The following USP42 variants were observed in gnomAD, a reference collection of about 807,000 sequenced individuals.
USP42 encodes ubiquitin carboxyl-terminal hydrolase 42.
A neutral mutation model predicts 113.0 loss-of-function variants in USP42; 23 were observed. The observed-to-expected ratio is 0.20, with a 90% CI of 0.15 to 0.29. USP42 has a LOEUF of 0.29. USP42 is among the 10% of genes least tolerant of loss of function. The probability of loss-of-function intolerance (pLI) is 1.00; values close to 1 mark genes in which losing one functional copy is unlikely to be tolerated. For synonymous variants in USP42, 933 were observed against 699.0 expected (o/e 1.33, Z -5.28); for missense variants, 2,174 against 1,779.8 (o/e 1.22, Z -3.99).
In USP42 at chr7:6,139,351, A is replaced by G. The variant is rs1781324750; in HGVS notation, c.656+157A>G. On this transcript the variant is annotated intron_variant, in intron 5 of 17. Coordinates refer to ENST00000306177, the MANE Select transcript of USP42 (RefSeq NM_032172.3). The surrounding 1 kb of genome is among the most constrained non-coding windows in gnomAD (Gnocchi z 4.5). Reference sequence around the variant, plus strand: ...TCTGCCTCTTCCTTAGGTGATGTGCATTATTTTAAAATGGTTGAAATTTAC... The same window carrying G: ...TCTGCCTCTTCCTTAGGTGATGTGCGTTATTTTAAAATGGTTGAAATTTAC... The G allele has an allele frequency of 7.5e-6, 4 of 533,738 alleles. No homozygotes were observed. In the East Asian group the frequency reaches 1.3e-4, roughly 17 times the overall value. The allele number at this position is 533,738 out of a possible 1,614,324, so 33.1% of individuals were successfully genotyped here.
chr7:6,106,352 A>G (rs930582125), intron 1 of USP42, among the ~76,000 whole-genome samples: 1 of 152,216 alleles, frequency 6.6e-6, no homozygotes, highest in Non-Finnish European at 1.5e-5. Flanking sequence ...TAAACGTGCT[A>G]ATATTATTAC....
chr7:6,143,962 A>G (rs1254975541), intron 8 of USP42, 123 bp from the exon 9 acceptor site: 6 of 550,888 alleles, frequency 1.1e-5, no homozygotes, highest in African/African-American at 2.0e-5. Flanking sequence ...GGTGGTTCTC[A>G]TCCAGTGTCC....
At chr7:6,131,778 C>T (rs893790784) in intron 3 of USP42, among the ~76,000 whole-genome samples, 2 of 152,146 alleles carry the variant, frequency 1.3e-5, no homozygotes, top group Non-Finnish European at 2.9e-5. Context: ...CTCTTTCTAC[C>T]TTTCACAGCC....
chr7:6,101,245 G>A (rs1055189181), upstream of USP42, among the ~76,000 whole-genome samples: 3 of 151,024 alleles, frequency 2.0e-5, no homozygotes, highest in African/African-American at 7.4e-5. Flanking sequence ...CCAGTAAGGA[G>A]GACCTGGGTG....
intron 4 of USP42, among the ~76,000 whole-genome samples, chr7:6,136,826 G>T (rs1781177475): frequency 6.9e-6 from 1 of 144,072 alleles, no homozygotes; most frequent in Non-Finnish European, 1.5e-5. Context: ...TTTTTTTCAA[G>T]TGAGACTGTG....
chr7:6,130,010 G>A (rs1027636893), intron 3 of USP42, among the ~76,000 whole-genome samples: 1 of 152,090 alleles, frequency 6.6e-6, no homozygotes, highest in Non-Finnish European at 1.5e-5. Context: ...TTTTGAGTCA[G>A]GGTCTTACTT....
At chr7:6,134,939 A>C (rs1333278162) in intron 3 of USP42, among the ~76,000 whole-genome samples, 1 of 152,018 alleles carries the variant, frequency 6.6e-6, no homozygotes, top group Admixed American at 6.6e-5. Context: ...GGCTTGTGCC[A>C]CCACACTGGG....
chr7:6,152,806 C>T (rs1244900529), intron 14 of USP42, among the ~76,000 whole-genome samples: 1 of 152,246 alleles, frequency 6.6e-6, no homozygotes, highest in African/African-American at 2.4e-5. Context: ...TTGCTAAAGC[C>T]TCTGATTCCT....
rs374262203 is a variant in USP42, at chr7:6,149,765, A to C, written c.1569A>C (p.Thr523=). The C allele has an allele frequency of 6.2e-7, 1 of 1,613,990 alleles. No homozygotes were observed. The highest frequency in any genetic ancestry group is 8.5e-7 in the Non-Finnish European group (1 of 1,179,894). Residue 523 remains threonine (T), a synonymous_variant, in exon 13 of 18, where the codon ACA becomes ACC. Transcript: ENST00000306177. ...AACATCCTAAGAAACAAAAAATTACAATCAGTATTCACAACAAGTTGCCTG... is the reference window on the plus strand; with the variant it reads ...AACATCCTAAGAAACAAAAAATTACCATCAGTATTCACAACAAGTTGCCTG... ...IPEHPKKQKI[T]ISIHNKLPVR...
At chr7:6,084,473 G>C in the USP42 span, 1 of 151,476 alleles carries the variant, frequency 6.6e-6, no homozygotes, top group East Asian at 1.9e-4. Context: ...ATCACTCTGA[G>C]CCTGAGGGAG....
At chr7:6,141,472 A>G (rs922004067) in intron 7 of USP42, among the ~76,000 whole-genome samples, 2 of 152,018 alleles carry the variant, frequency 1.3e-5, no homozygotes, top group African/African-American at 4.8e-5. Context: ...CTGGGATTAC[A>G]GGCGTGAGCC....
chr7:6,125,416 G>A (rs1780480524), intron 3 of USP42, among the ~76,000 whole-genome samples: 1 of 151,998 alleles, frequency 6.6e-6, no homozygotes, highest in African/African-American at 2.4e-5. Context: ...CTTGAACCTT[G>A]GAAGCGGGGG....
chr7:6,088,785 C>A, the USP42 span: 1 of 151,132 alleles, frequency 6.6e-6, no homozygotes, highest in African/African-American at 2.5e-5. Flanking sequence ...CCTGTTCTTC[C>A]TCAGACCTCC....
intron 3 of USP42, among the ~76,000 whole-genome samples, chr7:6,135,148 A>G (rs1323969106): frequency 6.6e-6 from 1 of 152,134 alleles, no homozygotes; most frequent in African/African-American, 2.4e-5. Context: ...TGAGATAAAT[A>G]GTGGTGTGAG....
Position 6,142,221 on chromosome 7 carries a change from C to CTT in USP42, c.796-699_796-698dup, listed in dbSNP as rs200372288. ...TAAATGAAAATTTTGTTTCTTTTTT[C>CTT]TTTTTTTTTTTTTGAGACGGAGTCC... is the stretch of plus-strand genomic sequence containing the variant. On this transcript the variant is annotated intron_variant, in intron 7 of 17. Transcript: ENST00000306177. Among the ~76,000 whole-genome samples the CTT allele has an allele frequency of 7.8e-4, 110 of 141,610 alleles. 2 individuals carry two copies. Among genetic ancestry groups the CTT allele is most frequent in the South Asian group, 2.5e-3 (11 of 4,486 alleles). 92.9% of individuals were successfully genotyped at this position (141,610 alleles called of 152,430 possible). A position where few individuals can be genotyped will look rare whatever the true frequency, so the allele number is the denominator to read the frequency against.
rs745487904 is a variant in USP42 at position 6,142,999 on chromosome 7, C to T, written c.863C>T (p.Ser288Leu). ...VKPEQLDGEN[S>L]YKCSKCKKMV... Reference sequence around the variant, plus strand: ...CCGGAACAGCTTGATGGAGAAAACTCGTACAAGTGCAGCAAGTACGTTGGG... The same window carrying T: ...CCGGAACAGCTTGATGGAGAAAACTTGTACAAGTGCAGCAAGTACGTTGGG... Residue 288 changes from serine (S) to leucine (L), a missense_variant, in exon 8 of 18, where the codon TCG becomes TTG. Transcript: ENST00000306177. The T allele has an allele frequency of 7.4e-6, 12 of 1,613,812 alleles. No individual in the cohort carries two copies. Among genetic ancestry groups the T allele is most frequent in the East Asian group, 2.2e-5 (1 of 44,888 alleles).
chr7:6,149,567 C>G lies in USP42; in HGVS notation c.1387-16C>G. On this transcript the variant is annotated splice_polypyrimidine_tract_variant and intron_variant, in intron 12 of 17. Coordinates refer to ENST00000306177, the MANE Select transcript of USP42 (RefSeq NM_032172.3). ...GTTTCTGGAGCTCTGACCAGGTGCG[C>G]TCTGCTTACTTCCAGAATCCACCTC... 1 of 1,604,958 alleles carries G rather than the reference C, an allele frequency of 6.2e-7. No individual in the cohort carries two copies. The highest frequency in any genetic ancestry group is 8.5e-7 in the Non-Finnish European group (1 of 1,174,132).
At position 6,142,924 on chromosome 7, in the gene USP42, C is replaced by T. The variant is rs1199920006; in HGVS notation, c.796-8C>T. ...GTGATGTGGTGTTTGTGCCTCTTCT[C>T]TTCCCAGGCTGCTCAGAGTGTCAAC... On this transcript the variant is annotated splice_polypyrimidine_tract_variant and splice_region_variant and intron_variant, in intron 7 of 17. Coordinates refer to ENST00000306177, the MANE Select transcript of USP42 (RefSeq NM_032172.3). 2.5e-6 allele frequency: 4 copies of T among 1,613,860 alleles called. No homozygotes were observed. In the South Asian group the frequency reaches 3.3e-5, roughly 13 times the overall value.
intron 7 of USP42, among the ~76,000 whole-genome samples, chr7:6,141,471 C>T (rs1438793996): frequency 6.6e-6 from 1 of 152,070 alleles, no homozygotes; most frequent in Non-Finnish European, 1.5e-5. Context: ...GCTGGGATTA[C>T]AGGCGTGAGC....
Sources: allele counts gnomAD v4.1 joint callset (sites outside exome capture counted in the v4.1 genomes callset), GRCh38; gene constraint gnomAD v4.1.1; non-coding constraint Gnocchi (gnomAD v3.1); transcripts MANE v1.5; gene names NCBI Gene and HGNC (gene_info 2026-07-23, HGNC 2026-07-21).